The following GPT2 variants were observed in gnomAD, a reference collection of about 807,000 sequenced individuals.
GPT2 encodes the protein glutamic--pyruvic transaminase 2, also known as alanine aminotransferase 2.
Under a neutral mutation model 56.9 loss-of-function variants are expected in GPT2, and 30 were observed. That is an observed-to-expected ratio of 0.53 (90% CI 0.39 to 0.72). GPT2 has a LOEUF of 0.72. Among genes scored for constraint, GPT2 ranks in the 30% least tolerant of loss-of-function variants. The probability of loss-of-function intolerance (pLI) is 0.00; values close to 1 mark genes in which losing one functional copy is unlikely to be tolerated. For missense variants in GPT2, 542 were observed against 703.4 expected, an observed-to-expected ratio of 0.77 and a Z score of 2.60; for synonymous variants, 271 against 283.1, an observed-to-expected ratio of 0.96 and a Z score of 0.43.
At chr16:46,917,078 T>C (rs1961184134) in intron 7 of GPT2, among the ~76,000 whole-genome samples, 1 of 152,208 alleles carries the variant, frequency 6.6e-6, no homozygotes, top group African/African-American at 2.4e-5. Context: ...AGGCCTGTTA[T>C]CTTTTCAGCC....
chr16:46,898,956 G>T (rs1280186771), intron 3 of GPT2, among the ~76,000 whole-genome samples: 1 of 89,524 alleles, frequency 1.1e-5, no homozygotes, highest in African/African-American at 4.3e-5. Context: ...ACATATATGT[G>T]TATATATATA....
At chr16:46,922,745 G>T (rs559218874) in intron 9 of GPT2, among the ~76,000 whole-genome samples, 1 of 152,208 alleles carries the variant, frequency 6.6e-6, no homozygotes, top group African/African-American at 2.4e-5. Flanking sequence ...AGACGAGGAG[G>T]TAGAGGGGCG....
chr16:46,906,152 C>T (rs918308131), intron 4 of GPT2, among the ~76,000 whole-genome samples: 1 of 152,096 alleles, frequency 6.6e-6, no homozygotes, highest in Non-Finnish European at 1.5e-5. Flanking sequence ...TAGCTCACCG[C>T]AGCCTCTACC....
At chr16:46,884,567 T>C in intron 1 of GPT2, 100 bp downstream of exon 1, 2 of 1,012,306 alleles carry the variant, frequency 2.0e-6, no homozygotes, top group Non-Finnish European at 2.6e-6. Context: ...CGCCGGGGGA[T>C]GGGCACCAGC....
chr16:46,916,354 T>TA (rs796492430), intron 6 of GPT2: 7,477 of 236,706 alleles, frequency 0.032, 2 homozygotes, highest in East Asian at 0.048. Context: ...TCAAAAAAAT[T>TA]AAAAAAAAAA....
At chr16:46,908,524 C>T (rs998679566) in intron 5 of GPT2, among the ~76,000 whole-genome samples, 2 of 152,212 alleles carry the variant, frequency 1.3e-5, no homozygotes, top group African/African-American at 4.8e-5. Context: ...GCTTTGTTTC[C>T]TGACCTGTAA....
rs200472294 is a variant in GPT2 at position 46,922,288 on chromosome 16, G to A, written c.1084G>A (p.Glu362Lys). Residue 362 changes from glutamate to lysine, a missense_variant, in exon 9 of 12, where the codon GAG (glutamate) becomes AAG (lysine). Physicochemically the swap from Glu to Lys is moderately conservative, Grantham distance 56. Coordinates refer to ENST00000340124, the MANE Select transcript of GPT2 (RefSeq NM_133443.4). Reference sequence around the variant, plus strand: ...CATGGAGGTGATCAACCTGCACCCTGAGATCAAGGGCCAGCTGGTGAAGCT... The same window carrying A: ...CATGGAGGTGATCAACCTGCACCCTAAGATCAAGGGCCAGCTGGTGAAGCT... ...GYMEVINLHPEIKGQLVKLLS... is the reference protein window; with the variant it reads ...GYMEVINLHPKIKGQLVKLLS... The A allele has an allele frequency of 6.2e-7, 1 of 1,614,156 alleles. No homozygotes were observed.
chr16:46,924,098 C>T (rs1428034297), intron 9 of GPT2: 2 of 431,362 alleles, frequency 4.6e-6, no homozygotes, highest in Non-Finnish European at 8.8e-6. Context: ...CCACCCACCT[C>T]CCTGTTTTGC....
chr16:46,893,594 C>T (rs1960625294), intron 2 of GPT2, among the ~76,000 whole-genome samples: 1 of 152,274 alleles, frequency 6.6e-6, no homozygotes, highest in South Asian at 2.1e-4. Flanking sequence ...CATGCTGGTG[C>T]GAGGCCTGTG....
At chr16:46,904,019 G>A (rs184981472) in intron 4 of GPT2, among the ~76,000 whole-genome samples, 3 of 152,330 alleles carry the variant, frequency 2.0e-5, no homozygotes, top group Admixed American at 2.0e-4. Context: ...AACAGTGTGT[G>A]CAAAGGCCCT....
intron 2 of GPT2, among the ~76,000 whole-genome samples, chr16:46,892,303 A>G (rs527672200): frequency 8.5e-5 from 13 of 152,314 alleles, no homozygotes; most frequent in African/African-American, 3.1e-4. Context: ...TCCATTGTGT[A>G]TATGTACCAT....
intron 4 of GPT2, among the ~76,000 whole-genome samples, chr16:46,903,245 G>A (rs1447925627): frequency 6.6e-6 from 1 of 151,694 alleles, no homozygotes; most frequent in African/African-American, 2.4e-5. Context: ...GTGAAACTCT[G>A]TCCCCTCCAA....
At chr16:46,891,928 C>T (rs1960594367) in intron 2 of GPT2, among the ~76,000 whole-genome samples, 1 of 151,500 alleles carries the variant, frequency 6.6e-6, no homozygotes, top group South Asian at 2.1e-4. Context: ...ACTGCCCTTC[C>T]CAGACTCTGG....
chr16:46,925,567 A>G (rs902786570), intron 10 of GPT2, among the ~76,000 whole-genome samples: 1 of 152,100 alleles, frequency 6.6e-6, no homozygotes, highest in Admixed American at 6.6e-5. Context: ...GCAGTGGCTC[A>G]CACCTGTGGT....
At chr16:46,901,230 G>A (rs1406963447) in intron 4 of GPT2, among the ~76,000 whole-genome samples, 1 of 152,162 alleles carries the variant, frequency 6.6e-6, no homozygotes, top group Non-Finnish European at 1.5e-5. Flanking sequence ...GGGAAGGGAA[G>A]CACCTTGGGA....
chr16:46,901,896 C>A (rs1960825795), intron 4 of GPT2, among the ~76,000 whole-genome samples: 1 of 152,226 alleles, frequency 6.6e-6, no homozygotes, highest in East Asian at 1.9e-4. Flanking sequence ...AGACCTAAAC[C>A]ACAGGCTGGC....
chr16:46,921,159 G>GT (rs571858704), intron 8 of GPT2, among the ~76,000 whole-genome samples: 36 of 152,072 alleles, frequency 2.4e-4, no homozygotes, highest in African/African-American at 8.2e-4. Context: ...CAAAAGCATG[G>GT]TTTTTTTGAT....
intron 5 of GPT2, 122 bp downstream of exon 5, chr16:46,907,097 T>C (rs1960946567): frequency 2.3e-6 from 3 of 1,307,904 alleles, no homozygotes; most frequent in Non-Finnish European, 3.2e-6. Context: ...GGCCACCCTC[T>C]GGTCCCCCAG....
intron 2 of GPT2, among the ~76,000 whole-genome samples, chr16:46,894,672 T>C (rs1461860621): frequency 1.3e-5 from 2 of 151,578 alleles, no homozygotes; most frequent in Non-Finnish European, 3.0e-5. Flanking sequence ...TGGGAATCTT[T>C]TTTTTTTTTT....
Sources: allele counts gnomAD v4.1 joint callset (sites outside exome capture counted in the v4.1 genomes callset), GRCh38; gene constraint gnomAD v4.1.1; transcripts MANE v1.5; gene names NCBI Gene and HGNC (gene_info 2026-07-23, HGNC 2026-07-21).